The following LOXL3 variants were observed in gnomAD, a reference collection of about 807,000 sequenced individuals.
LOXL3 encodes the protein lysyl oxidase like 3.
LOXL3 carries 60 observed loss-of-function variants against 91.8 expected under a neutral mutation model. The observed-to-expected ratio is 0.65, with a 90% CI of 0.53 to 0.81. The LOEUF is 0.81. Ranked by LOEUF, LOXL3 falls within the 30% of genes least tolerant of loss-of-function variation. The pLI is 0.00. For missense variants in LOXL3, 874 were observed against 1,000.4 expected (o/e 0.87, Z 1.70); for synonymous variants, 355 against 387.6 (o/e 0.92, Z 0.99).
chr2:74,547,151 C>T lies in LOXL3; in HGVS notation c.692+2218G>A, dbSNP rs549717282. ...TCAGCCTCCCAAGTAGCTGGGACTA[C>T]AGGCACGCACCACCATGTTCAGCTA... On this transcript the variant is annotated intron_variant, in intron 4 of 13. Transcript: ENST00000264094. Among the ~76,000 whole-genome samples the T allele has an allele frequency of 3.9e-4, 60 of 152,282 alleles. No homozygotes were observed. The South Asian group carries it at 5.8e-3, about 15-fold the overall frequency.
In LOXL3 at chr2:74,532,803, T is replaced by C. The variant is rs199796288; in HGVS notation, c.*803A>G. 38 of 1,614,154 alleles carry C rather than the reference T, an allele frequency of 2.4e-5. No individual in the cohort carries two copies. The African/African-American group carries it at 4.3e-4, about 18-fold the overall frequency. ...CTTTGTACTCCTTCCTTTCTCTCTG[T>C]CCATTTTTCTCTATAGGGCTGGTCT... is the stretch of plus-strand genomic sequence containing the variant. On this transcript the variant is annotated 3_prime_UTR_variant, in exon 14 of 14. Transcript: ENST00000264094.
chr2:74,552,516 T>C lies in LOXL3; in HGVS notation c.119A>G (p.Gln40Arg). Residue 40 changes from glutamine (Q) to arginine (R), a missense_variant, in exon 2 of 14, where the codon CAG (glutamine) becomes CGG (arginine). Transcript: ENST00000264094. ...GCCAGCCAGCCGGAACCGAAGCCCC[T>C]GGCTCCCGGCCTTCTTCTCAGGGCC... ...STGPEKKAGS[Q>R]GLRFRLAGFP... is the part of the protein sequence containing the mutation. 6.2e-7 allele frequency: 1 copy of C among 1,613,466 alleles called. No homozygotes were observed. Among genetic ancestry groups the C allele is most frequent in the Non-Finnish European group, 8.5e-7 (1 of 1,179,912 alleles).
At chr2:74,544,439 A>G (rs1400529041) in intron 4 of LOXL3, among the ~76,000 whole-genome samples, 1 of 152,196 alleles carries the variant, frequency 6.6e-6, no homozygotes, top group Non-Finnish European at 1.5e-5. Flanking sequence ...CTCTCTTGTC[A>G]TTTATTCACC....
intron 4 of LOXL3, among the ~76,000 whole-genome samples, chr2:74,543,900 C>CAAAAAAAAAAAAAAAAAA (rs960168777): frequency 6.1e-5 from 4 of 65,154 alleles, no homozygotes; most frequent in Admixed American, 1.5e-4. Context: ...GGCTCTGTCT[C>CAAAAAAAAAAAAAAAAAA]AAAAAAAAAA....
In LOXL3 at chr2:74,535,409, T is replaced by A. The variant is rs1675957989; in HGVS notation, c.1462A>T (p.Ser488Cys). 1.2e-6 allele frequency: 2 copies of A among 1,614,044 alleles called. No homozygotes were observed. The highest frequency in any genetic ancestry group is 1.7e-6 in the Non-Finnish European group (2 of 1,180,022). ...DSGNITEVVM[S>C]GVRCTGTELS... ...TCAGTCCCTGTGCAGCGCACTCCAC[T>A]CATCACCACCTCTGTTATATTCCCA... is the stretch of plus-strand genomic sequence containing the variant. Residue 488 changes from serine (S) to cysteine (C), a missense_variant, in exon 9 of 14, where the codon AGT (serine) becomes TGT (cysteine). Physicochemically the swap from Ser to Cys is moderately radical, Grantham distance 112. Coordinates refer to ENST00000264094, the MANE Select transcript of LOXL3 (RefSeq NM_032603.5). The surrounding 1 kb of genome is among the most constrained non-coding windows in gnomAD (Gnocchi z 4.2).
chr2:74,539,686 T>G (rs1676209834), intron 4 of LOXL3: 1 of 152,566 alleles, frequency 6.6e-6, no homozygotes, highest in South Asian at 2.1e-4. Flanking sequence ...CTCACATCCC[T>G]AATCCATCAG....
chr2:74,535,542 C>T lies in LOXL3; in HGVS notation c.1416+46G>A, dbSNP rs754306470. 6.2e-7 allele frequency: 1 copy of T among 1,612,316 alleles called. No homozygotes were observed. Among genetic ancestry groups the T allele is most frequent in the Non-Finnish European group, 8.5e-7 (1 of 1,179,840 alleles). Reference sequence around the variant, plus strand: ...ATTCCTCAGCCCTCTGCCCAAAACACAGGCTTTGAGACAACAGCCTCGGCT... The same window carrying T: ...ATTCCTCAGCCCTCTGCCCAAAACATAGGCTTTGAGACAACAGCCTCGGCT... On this transcript the variant is annotated intron_variant, in intron 8 of 13. Coordinates refer to ENST00000264094, the MANE Select transcript of LOXL3 (RefSeq NM_032603.5). This position sits in a 1 kb window ranked among gnomAD's most constrained non-coding sequence, Gnocchi z 4.2.
intron 4 of LOXL3, among the ~76,000 whole-genome samples, chr2:74,546,874 AC>A (rs1359530187): frequency 6.6e-6 from 1 of 151,452 alleles, no homozygotes; most frequent in Non-Finnish European, 1.5e-5. Context: ...GCGCCACCAC[AC>A]CCGGCTAGTT....
At position 74,532,868 on chromosome 2, in the gene LOXL3, G is replaced by A; in HGVS notation, c.*738C>T. 4 of 1,614,100 alleles carry A rather than the reference G, an allele frequency of 2.5e-6. No homozygotes were observed. The highest frequency in any genetic ancestry group is 3.4e-6 in the Non-Finnish European group (4 of 1,180,016). The stretch of plus-strand genomic sequence containing the variant: ...TGATTTTGGCCATTGGGGAGCAGAT[G>A]GTACAAAATGCTGAAGATGTTTATG... On this transcript the variant is annotated 3_prime_UTR_variant, in exon 14 of 14. Transcript: ENST00000264094.
chr2:74,537,690 G>GT (rs1676105427), intron 4 of LOXL3, among the ~76,000 whole-genome samples: 2 of 152,212 alleles, frequency 1.3e-5, no homozygotes, highest in African/African-American at 4.8e-5. Flanking sequence ...CAATTTCAAC[G>GT]TAACAGTGTC....
Position 74,536,861 on chromosome 2 carries a change from G to C in LOXL3, c.760C>G (p.His254Asp), listed in dbSNP as rs1298802352. The C allele has an allele frequency of 6.2e-7, 1 of 1,614,198 alleles. No homozygotes were observed. Among genetic ancestry groups the C allele is most frequent in the Admixed American group, 1.7e-5 (1 of 60,024 alleles). The change falls in exon 5 of 14, where the codon CAC (histidine) becomes GAC (aspartate). Residue 254 changes from histidine (H) to aspartate (D), a missense_variant. His to Asp is a moderately conservative substitution (Grantham distance 81). Transcript: ENST00000264094. This position sits in a 1 kb window ranked among gnomAD's most constrained non-coding sequence, Gnocchi z 4.5. Reference sequence around the variant, plus strand: ...AACTCCAGGGAACAGAGGGAGAGGTGGGCCTCCGTGCCCACGCACGCCACC... The same window carrying C: ...AACTCCAGGGAACAGAGGGAGAGGTCGGCCTCCGTGCCCACGCACGCCACC... Reference protein sequence around the residue: ...HGVACVGTEAHLSLCSLEFYR... With the variant: ...HGVACVGTEADLSLCSLEFYR...
intron 13 of LOXL3, 52 bp from the exon 14 acceptor site, chr2:74,533,731 T>G: frequency 7.1e-6 from 11 of 1,556,762 alleles, no homozygotes; most frequent in South Asian, 2.2e-5. Context: ...GGGAGGGAGA[T>G]AGATGCACTG....
At chr2:74,534,484 C>T (rs768940930) in intron 10 of LOXL3, 47 bp downstream of exon 10, 1 of 1,613,510 alleles carries the variant, frequency 6.2e-7, no homozygotes, top group South Asian at 1.1e-5. Flanking sequence ...AAGGTTTGCC[C>T]CATCCCCCGT....
intron 4 of LOXL3, among the ~76,000 whole-genome samples, chr2:74,543,899 TCA>T (rs1558624835): frequency 2.0e-5 from 1 of 49,334 alleles, no homozygotes; most frequent in Non-Finnish European, 3.4e-5. Context: ...AGGCTCTGTC[TCA>T]AAAAAAAAAA....
At chr2:74,538,671 C>T (rs1011416261) in intron 4 of LOXL3, among the ~76,000 whole-genome samples, 6 of 152,122 alleles carry the variant, frequency 3.9e-5, no homozygotes, top group Non-Finnish European at 7.3e-5. Context: ...CCAAAGGGGA[C>T]GCTGAGTTTC....
In LOXL3 at chr2:74,536,098, G is replaced by A. The variant is rs1276579483; in HGVS notation, c.1146C>T (p.Ser382=). The A allele has an allele frequency of 6.2e-7, 1 of 1,613,968 alleles. No homozygotes were observed. The highest frequency in any genetic ancestry group is 1.1e-5 in the South Asian group (1 of 91,082). ...SEVRCSGQEL[S]LWKCPHKNIT... ...TGTTCTTGTGGGGGCACTTCCAGAG[G>A]GAGAGCTCCTGTCCAGAGCAGCGAA... Residue 382 remains serine (S), a synonymous_variant, in exon 7 of 14, where the codon TCC becomes TCT. Coordinates refer to ENST00000264094, the MANE Select transcript of LOXL3 (RefSeq NM_032603.5). The surrounding 1 kb of genome is among the most constrained non-coding windows in gnomAD (Gnocchi z 4.5).
chr2:74,555,053 C>T, upstream of LOXL3: 3 of 1,462,062 alleles, frequency 2.1e-6, no homozygotes, highest in Non-Finnish European at 2.7e-6. The surrounding 1 kb of genome is among the most constrained non-coding windows in gnomAD (Gnocchi z 6.1). Flanking sequence ...GTTTGGAAGC[C>T]CCAGATCCCA....
intron 2 of LOXL3, among the ~76,000 whole-genome samples, chr2:74,550,955 C>T (rs1394929972): frequency 2.1e-5 from 3 of 140,116 alleles, no homozygotes; most frequent in African/African-American, 5.3e-5. Context: ...TTTTTTGAAA[C>T]GAAGTCTTGC....
chr2:74,552,673 G>A (rs372837797), intron 1 of LOXL3, 27 bp from the exon 2 acceptor site: 73 of 1,483,094 alleles, frequency 4.9e-5, no homozygotes, highest in African/African-American at 2.5e-4. Context: ...CAAAGTGTGC[G>A]TGAGAGAAAC....
Sources: gnomAD v4.1 joint callset for allele counts (sites outside exome capture counted in the v4.1 genomes callset) on GRCh38, gnomAD v4.1.1 for gene constraint, Gnocchi (gnomAD v3.1) non-coding constraint, MANE v1.5 for transcripts, NCBI Gene and HGNC (gene_info 2026-07-23, HGNC 2026-07-21) for gene names.